Variants in ENOX1 observed in about 807,000 individuals in gnomAD.
ENOX1 encodes candidate growth-related and time keeping constitutive hydroquinone (NADH) oxidase.
In ENOX1, 42 loss-of-function variants were observed where a neutral mutation model predicts 82.5. That is an observed-to-expected ratio of 0.51 (90% CI 0.40 to 0.66). ENOX1 has a LOEUF of 0.66. Among genes scored for constraint, ENOX1 ranks in the 30% least tolerant of loss-of-function variants. ENOX1 has a pLI of 0.00. For missense variants in ENOX1, 608 were observed against 811.6 expected, an observed-to-expected ratio of 0.75 and a Z score of 3.05; for synonymous variants, 271 against 282.2, an observed-to-expected ratio of 0.96 and a Z score of 0.40.
chr13:43,534,088 G>A (rs2078347697), intron 2 of ENOX1, among the ~76,000 whole-genome samples: 1 of 152,136 alleles, frequency 6.6e-6, no homozygotes, highest in Admixed American at 6.6e-5. Flanking sequence ...TTTTACTGTT[G>A]TAAACCAAGC....
chr13:43,733,612 T>C (rs886734279), intron 1 of ENOX1, among the ~76,000 whole-genome samples: 13 of 152,144 alleles, frequency 8.5e-5, no homozygotes, highest in Admixed American at 7.9e-4. Flanking sequence ...CAGACACTTG[T>C]TTTCCAAATA....
chr13:43,589,371 G>A (rs986676038), intron 2 of ENOX1, among the ~76,000 whole-genome samples: 1 of 152,052 alleles, frequency 6.6e-6, no homozygotes, highest in African/African-American at 2.4e-5. Flanking sequence ...CAGATAGGAA[G>A]CCTACCTGTC....
At chr13:43,497,967 T>C (rs1754128538) in intron 2 of ENOX1, among the ~76,000 whole-genome samples, 1 of 151,978 alleles carries the variant, frequency 6.6e-6, no homozygotes, top group Non-Finnish European at 1.5e-5. Flanking sequence ...TTTTATCTTA[T>C]AAAAAAAACT....
At chr13:43,289,651 C>T (rs1307517252) in intron 12 of ENOX1, among the ~76,000 whole-genome samples, 2 of 152,122 alleles carry the variant, frequency 1.3e-5, no homozygotes, top group East Asian at 1.9e-4. Context: ...ATTCTCTTCT[C>T]GACTTTGGCA....
chr13:43,350,365 C>T (rs752369052), intron 8 of ENOX1, among the ~76,000 whole-genome samples: 5 of 152,148 alleles, frequency 3.3e-5, no homozygotes, highest in Non-Finnish European at 5.9e-5. Flanking sequence ...GGGCATGGCA[C>T]AAAGCGATGG....
At chr13:43,779,961 C>G (rs1161941244) in intron 1 of ENOX1, among the ~76,000 whole-genome samples, 1 of 152,080 alleles carries the variant, frequency 6.6e-6, no homozygotes, top group African/African-American at 2.4e-5. Context: ...TCGAGACCAT[C>G]CTGGCCAACA....
intron 5 of ENOX1, among the ~76,000 whole-genome samples, chr13:43,386,101 G>A (rs555333363): frequency 7.9e-5 from 12 of 152,314 alleles, no homozygotes; most frequent in African/African-American, 2.2e-4. Flanking sequence ...TGGAGATGGA[G>A]GATGCAGTGA....
intron 1 of ENOX1, among the ~76,000 whole-genome samples, chr13:43,782,124 T>A (rs1952306002): frequency 6.6e-6 from 1 of 152,018 alleles, no homozygotes; most frequent in South Asian, 2.1e-4. Context: ...GAATGAAAAG[T>A]GACAAAAAGA....
intron 11 of ENOX1, among the ~76,000 whole-genome samples, chr13:43,305,333 T>C (rs2046798545): frequency 6.6e-6 from 1 of 152,218 alleles, no homozygotes; most frequent in Non-Finnish European, 1.5e-5. Flanking sequence ...ATTATTATTA[T>C]TACAACTTAG....
At chr13:43,567,018 A>T (rs1436771853) in intron 2 of ENOX1, among the ~76,000 whole-genome samples, 2 of 152,184 alleles carry the variant, frequency 1.3e-5, no homozygotes, top group African/African-American at 4.8e-5. Flanking sequence ...GACAGCCAAC[A>T]GAAAATGTTA....
chr13:43,616,110 AT>A (rs2082411026), intron 2 of ENOX1, among the ~76,000 whole-genome samples: 1 of 93,976 alleles, frequency 1.1e-5, no homozygotes, highest in Admixed American at 1.2e-4. Flanking sequence ...ATAGATAGAT[AT>A]CTATAGATCT....
At position 43,616,204 on chromosome 13, in the gene ENOX1, A is replaced by AT. The variant is rs58543927; in HGVS notation, c.-219+51274dup. Among the ~76,000 whole-genome samples the AT allele has an allele frequency of 7.8e-4, 12 of 15,316 alleles. 1 individual carries two copies. The highest frequency in any genetic ancestry group is 1.1e-3 in the African/African-American group (10 of 8,894). 10.0% of individuals were successfully genotyped at this position (15,316 alleles called of 152,430 possible). A position where few individuals can be genotyped will look rare whatever the true frequency, so the allele number is the denominator to read the frequency against. The stretch of plus-strand genomic sequence containing the variant: ...TATCTATCTATATATATATATATAT[A>AT]TTTTTTTTTTTTTTTTAGGACGGAG... On this transcript the variant is annotated intron_variant, in intron 2 of 16. Transcript: ENST00000690772.
intron 8 of ENOX1, among the ~76,000 whole-genome samples, chr13:43,350,036 C>T (rs182089563): frequency 2.0e-5 from 3 of 152,310 alleles, no homozygotes; most frequent in African/African-American, 7.2e-5. Flanking sequence ...AACTTTAATT[C>T]TTTGGCTAAT....
intron 3 of ENOX1, among the ~76,000 whole-genome samples, chr13:43,453,436 A>G (rs1454293804): frequency 6.6e-6 from 1 of 152,190 alleles, no homozygotes; most frequent in Non-Finnish European, 1.5e-5. Flanking sequence ...TTTTGCAGAT[A>G]GAGATGTTTA....
chr13:43,319,663 G>T (rs1465985761), intron 11 of ENOX1, among the ~76,000 whole-genome samples: 1 of 152,136 alleles, frequency 6.6e-6, no homozygotes, highest in East Asian at 1.9e-4. Flanking sequence ...CCCTGCAGTG[G>T]GTGCAGCCTC....
intron 2 of ENOX1, among the ~76,000 whole-genome samples, chr13:43,550,252 G>T (rs1385829367): frequency 6.6e-6 from 1 of 152,140 alleles, no homozygotes; most frequent in Non-Finnish European, 1.5e-5. Context: ...CCTGCTCTAG[G>T]GTGCAGGAAA....
At chr13:43,737,417 G>A (rs764346408) in intron 1 of ENOX1, among the ~76,000 whole-genome samples, 14 of 152,202 alleles carry the variant, frequency 9.2e-5, no homozygotes, top group Non-Finnish European at 2.1e-4. Context: ...TTGCTCAGCA[G>A]TGGCAACAAA....
intron 11 of ENOX1, among the ~76,000 whole-genome samples, chr13:43,311,473 C>A (rs2047199869): frequency 6.6e-6 from 1 of 152,044 alleles, no homozygotes; most frequent in Non-Finnish European, 1.5e-5. Context: ...GCCCCCCTAC[C>A]ATGTACAATG....
intron 1 of ENOX1, among the ~76,000 whole-genome samples, chr13:43,774,039 C>G (rs563138401): frequency 6.6e-6 from 1 of 152,266 alleles, no homozygotes; most frequent in South Asian, 2.1e-4. Flanking sequence ...TTAGAATCAG[C>G]TCAATATAGA....
Sources: allele counts gnomAD v4.1 joint callset (sites outside exome capture counted in the v4.1 genomes callset), GRCh38; gene constraint gnomAD v4.1.1; transcripts MANE v1.5; gene names NCBI Gene and HGNC (gene_info 2026-07-23, HGNC 2026-07-21).